Variants in MAP3K13 observed in about 807,000 individuals in gnomAD.
The protein encoded by MAP3K13 is mitogen-activated protein kinase kinase kinase 13.
A neutral mutation model predicts 104.0 loss-of-function variants in MAP3K13; 52 were observed. The ratio of observed to expected loss-of-function variants is 0.50; its 90% CI spans 0.40 to 0.63. The LOEUF (loss-of-function observed/expected upper bound fraction) is 0.63, where lower values mean the gene tolerates loss of function less well. Among genes scored for constraint, MAP3K13 ranks in the 20% least tolerant of loss-of-function variants. The probability of loss-of-function intolerance (pLI) is 0.00; values close to 1 mark genes in which losing one functional copy is unlikely to be tolerated. For missense variants in MAP3K13, 914 were observed against 1,218.5 expected (o/e 0.75, Z 3.72); for synonymous variants, 394 against 442.2 (o/e 0.89, Z 1.37).
chr3:185,466,633 T>C (rs1204075166), intron 9 of MAP3K13, among the ~76,000 whole-genome samples, 193 bp from the exon 10 acceptor site: 1 of 152,164 alleles, frequency 6.6e-6, no homozygotes, highest in Non-Finnish European at 1.5e-5. Context: ...CACCTTGGCC[T>C]CCCAAAGTGC....
At chr3:185,369,970 AG>A (rs1724075142) in intron 1 of MAP3K13, among the ~76,000 whole-genome samples, 1 of 152,248 alleles carries the variant, frequency 6.6e-6, no homozygotes, top group South Asian at 2.1e-4. Context: ...GGTCATCCTT[AG>A]CAAGGCAGTT....
intron 1 of MAP3K13, among the ~76,000 whole-genome samples, chr3:185,379,450 G>T (rs1031894916): frequency 6.6e-6 from 1 of 152,210 alleles, no homozygotes; most frequent in Non-Finnish European, 1.5e-5. Context: ...GTAAAAAGAG[G>T]CCACTTACCC....
chr3:185,291,912 A>G, intron 2 of MAP3K13: 1 of 1,179,218 alleles, frequency 8.5e-7, no homozygotes. Flanking sequence ...CCAAAAAAAA[A>G]AAAAAAAAAA....
chr3:185,332,969 G>A (rs749317011), intron 2 of MAP3K13, among the ~76,000 whole-genome samples: 17 of 152,128 alleles, frequency 1.1e-4, no homozygotes, highest in Non-Finnish European at 1.8e-4. Flanking sequence ...ACCACCATAC[G>A]TTTTCCATAG....
intron 2 of MAP3K13, among the ~76,000 whole-genome samples, chr3:185,331,066 AC>A (rs1479125975): frequency 7.3e-5 from 9 of 123,764 alleles, no homozygotes; most frequent in African/African-American, 2.4e-4. Flanking sequence ...CCACCATAAC[AC>A]TTTTTTTCTT....
intron 2 of MAP3K13, among the ~76,000 whole-genome samples, chr3:185,357,178 C>T (rs564495460): frequency 2.0e-5 from 3 of 151,728 alleles, no homozygotes; most frequent in South Asian, 2.1e-4. Flanking sequence ...GGTGCAGTGG[C>T]TCACGCCCGT....
chr3:185,458,311 T>C (rs1448991012), intron 7 of MAP3K13, among the ~76,000 whole-genome samples: 1 of 143,230 alleles, frequency 7.0e-6, no homozygotes, highest in Non-Finnish European at 1.5e-5. Flanking sequence ...GAGGTTGCAG[T>C]GAGCCAAGAT....
At chr3:185,353,480 T>G (rs1408334393) in intron 2 of MAP3K13, among the ~76,000 whole-genome samples, 1 of 152,258 alleles carries the variant, frequency 6.6e-6, no homozygotes, top group Non-Finnish European at 1.5e-5. Context: ...GGCATAGGTG[T>G]GGGCTACGGT....
At chr3:185,361,367 T>C (rs1329258685), upstream of MAP3K13, among the ~76,000 whole-genome samples, 1 of 151,638 alleles carries the variant, frequency 6.6e-6, no homozygotes, top group Non-Finnish European at 1.5e-5. Context: ...AGATGTATAT[T>C]CTTCAGCTTT....
chr3:185,339,273 C>A (rs764818145), intron 2 of MAP3K13, among the ~76,000 whole-genome samples: 1 of 152,214 alleles, frequency 6.6e-6, no homozygotes, highest in South Asian at 2.1e-4. Flanking sequence ...GAGATGAGAT[C>A]GTGCCACTGC....
chr3:185,295,677 C>T (rs979263500), intron 2 of MAP3K13, among the ~76,000 whole-genome samples: 1 of 94,460 alleles, frequency 1.1e-5, no homozygotes, highest in Non-Finnish European at 2.3e-5. Flanking sequence ...CTCTATCATT[C>T]TGTCATAAAT....
At chr3:185,421,274 T>C (rs192677676) in intron 1 of MAP3K13, among the ~76,000 whole-genome samples, 80 of 152,098 alleles carry the variant, frequency 5.3e-4, no homozygotes, top group African/African-American at 1.9e-3. Flanking sequence ...GTTCACTGCA[T>C]TCTCCACCTC....
rs1718745403 is a variant in MAP3K13 at position 185,486,977 on chromosome 3, T to G, written c.*4521T>G. The G allele has an allele frequency of 6.6e-6, 1 of 152,196 alleles. No homozygotes were observed. The allele number at this position is 152,196 out of a possible 1,614,324, so 9.4% of individuals were successfully genotyped here. A position where few individuals can be genotyped will look rare whatever the true frequency, so the allele number is the denominator to read the frequency against. ...GCGTCTTCATCTAGCTACTTGAAGTTGAGATACTATATTTTAAAATGTTGG... is the reference window on the plus strand; with the variant it reads ...GCGTCTTCATCTAGCTACTTGAAGTGGAGATACTATATTTTAAAATGTTGG... On this transcript the variant is annotated 3_prime_UTR_variant, in exon 14 of 14. Transcript: ENST00000265026.
At chr3:185,410,160 T>C (rs1449775081) in intron 1 of MAP3K13, among the ~76,000 whole-genome samples, 1 of 152,110 alleles carries the variant, frequency 6.6e-6, no homozygotes, top group Non-Finnish European at 1.5e-5. Flanking sequence ...GCCTGGTTCT[T>C]AACAAGCCAC....
chr3:185,337,106 T>C lies in MAP3K13; in HGVS notation c.-86+51463T>C, dbSNP rs28522881. Among the ~76,000 whole-genome samples, 876 of 152,360 alleles carry C rather than the reference T, an allele frequency of 5.7e-3. 7 individuals carry two copies. Among genetic ancestry groups the C allele is most frequent in the African/African-American group, 0.019 (784 of 41,588 alleles). Reference sequence around the variant, plus strand: ...TAAAAATAGAGATGAGTTCTCACTATGTTGCCCAGGCTGGTCTTGAACTCC... The same window carrying C: ...TAAAAATAGAGATGAGTTCTCACTACGTTGCCCAGGCTGGTCTTGAACTCC... On this transcript the variant is annotated intron_variant, in intron 2 of 14. Transcript: ENST00000424227.
upstream of MAP3K13, among the ~76,000 whole-genome samples, chr3:185,359,964 G>A (rs1723537319): frequency 6.7e-6 from 1 of 149,602 alleles, no homozygotes; most frequent in East Asian, 1.9e-4. Context: ...TCCAAAACAA[G>A]AATAGCTTAT....
intron 1 of MAP3K13, among the ~76,000 whole-genome samples, chr3:185,364,548 G>A (rs886824112): frequency 1.4e-4 from 21 of 152,070 alleles, no homozygotes; most frequent in African/African-American, 4.8e-4. Context: ...ATCTTTTCTC[G>A]TGAAGCAAGA....
chr3:185,435,745 A>T (rs1285508579), intron 2 of MAP3K13, among the ~76,000 whole-genome samples: 1 of 152,200 alleles, frequency 6.6e-6, no homozygotes, highest in Non-Finnish European at 1.5e-5. Flanking sequence ...AGCAATTGTA[A>T]TGAGAAAACA....
At chr3:185,329,046 C>G in intron 2 of MAP3K13, 1 of 484,508 alleles carries the variant, frequency 2.1e-6, no homozygotes, top group Non-Finnish European at 3.7e-6. Context: ...AAGATTAAAT[C>G]AAGTTTCTAC....
Sources: gnomAD v4.1 joint callset for allele counts (sites outside exome capture counted in the v4.1 genomes callset) on GRCh38, gnomAD v4.1.1 for gene constraint, MANE v1.5 for transcripts, NCBI Gene and HGNC (gene_info 2026-07-23, HGNC 2026-07-21) for gene names.